Variants in CTTNBP2 observed in about 807,000 individuals in gnomAD.
CTTNBP2 encodes cortactin-binding protein 2.
Under a neutral mutation model 156.9 loss-of-function variants are expected in CTTNBP2, and 108 were observed. That is an observed-to-expected ratio of 0.69 (90% CI 0.59 to 0.81). The LOEUF is 0.81. CTTNBP2 is among the 30% of genes least tolerant of loss of function. CTTNBP2 has a pLI of 0.00. For synonymous variants in CTTNBP2, 767 were observed against 751.8 expected (o/e 1.02, Z -0.33); for missense variants, 1,924 against 2,035.4 (o/e 0.95, Z 1.05).
intron 7 of CTTNBP2, among the ~76,000 whole-genome samples, chr7:117,778,019 G>A (rs1798202056): frequency 6.6e-6 from 1 of 152,034 alleles, no homozygotes; most frequent in Non-Finnish European, 1.5e-5. Context: ...AACCATTTGG[G>A]GTGAGCAGGT....
At chr7:117,859,493 G>A (rs1458955138) in intron 2 of CTTNBP2, among the ~76,000 whole-genome samples, 1 of 152,048 alleles carries the variant, frequency 6.6e-6, no homozygotes, top group African/African-American at 2.4e-5. Flanking sequence ...AACACAGAAG[G>A]ACCAAAAAAT....
intron 14 of CTTNBP2, among the ~76,000 whole-genome samples, chr7:117,745,619 T>A (rs1796282439): frequency 1.1e-5 from 1 of 89,076 alleles, no homozygotes. Context: ...AATTAATGAT[T>A]AATAACAAAA....
chr7:117,873,328 C>CG lies in CTTNBP2; in HGVS notation c.81+6dup. The CG allele has an allele frequency of 6.9e-7, 1 of 1,441,722 alleles. No individual in the cohort carries two copies. The highest frequency in any genetic ancestry group is 9.1e-7 in the Non-Finnish European group (1 of 1,101,518). The allele number at this position is 1,441,722 out of a possible 1,614,324, so 89.3% of individuals were successfully genotyped here. A position where few individuals can be genotyped will look rare whatever the true frequency, so the allele number is the denominator to read the frequency against. On this transcript the variant is annotated splice_region_variant and intron_variant, in intron 1 of 22. Coordinates refer to ENST00000160373, the MANE Select transcript of CTTNBP2 (RefSeq NM_033427.3). ...TAGCCCCGCGCCCGCCCCGGGAACTCGGTTACCGCCGCCTCCGCCGCGGCC... is the reference window on the plus strand; with the variant it reads ...TAGCCCCGCGCCCGCCCCGGGAACTCGGGTTACCGCCGCCTCCGCCGCGGCC...
chr7:117,760,745 A>C, intron 9 of CTTNBP2, 35 bp from the exon 10 acceptor site: 1 of 1,475,884 alleles, frequency 6.8e-7, no homozygotes, highest in Non-Finnish European at 9.3e-7. Context: ...GAGTTAAAAA[A>C]ATCTGGACAG....
intron 16 of CTTNBP2, among the ~76,000 whole-genome samples, chr7:117,728,593 G>C (rs182912175): frequency 6.6e-6 from 1 of 152,254 alleles, no homozygotes; most frequent in African/African-American, 2.4e-5. Context: ...GCCAGGGCTA[G>C]AGTCTATTTA....
In CTTNBP2 at chr7:117,791,032, T is replaced by A. The variant is rs184632342; in HGVS notation, c.2068+96A>T. 6.9e-3 allele frequency: 7,205 copies of A among 1,041,622 alleles called. 43 individuals carry two copies. Among genetic ancestry groups the A allele is most frequent in the Non-Finnish European group, 8.6e-3 (6,164 of 715,872 alleles). The allele number at this position is 1,041,622 out of a possible 1,614,324, so 64.5% of individuals were successfully genotyped here. ...TGGGGGTGGGGGGAAGCATCAAATT[T>A]AAAAAAAAAGTTTCAAGGCAATGTG... On this transcript the variant is annotated intron_variant, in intron 4 of 22. Transcript: ENST00000160373.
At position 117,711,524 on chromosome 7, in the gene CTTNBP2, A is replaced by C; in HGVS notation, c.*13T>G. The C allele has an allele frequency of 6.2e-7, 1 of 1,606,930 alleles. No individual in the cohort carries two copies. The highest frequency in any genetic ancestry group is 2.2e-5 in the East Asian group (1 of 44,826). ...AATAGAGGAAGTTAATAATGAGAAT[A>C]TTGTAGGCAGGCCTATTTGTTAGGT... On this transcript the variant is annotated 3_prime_UTR_variant, in exon 23 of 23. Coordinates refer to ENST00000160373, the MANE Select transcript of CTTNBP2 (RefSeq NM_033427.3).
chr7:117,860,382 G>A (rs963811347), intron 2 of CTTNBP2, among the ~76,000 whole-genome samples: 11 of 150,048 alleles, frequency 7.3e-5, no homozygotes, highest in African/African-American at 1.5e-4. Context: ...TTGCTCTGTC[G>A]CCCAGGCTGG....
intron 2 of CTTNBP2, among the ~76,000 whole-genome samples, chr7:117,820,111 C>T (rs1295024863): frequency 6.6e-6 from 1 of 152,228 alleles, no homozygotes; most frequent in African/African-American, 2.4e-5. Flanking sequence ...GGAGCCCATG[C>T]TCATTTGTAG....
At chr7:117,778,359 GATC>G (rs1798218617) in intron 7 of CTTNBP2, among the ~76,000 whole-genome samples, 2 of 152,160 alleles carry the variant, frequency 1.3e-5, no homozygotes, top group African/African-American at 4.8e-5. Context: ...GAGGGATACT[GATC>G]ATTATAAGCT....
At position 117,873,125 on chromosome 7, in the gene CTTNBP2, G is replaced by A. The variant is rs555488337; in HGVS notation, c.81+210C>T. 3.9e-5 allele frequency among the ~76,000 whole-genome samples: 6 copies of A among 152,312 alleles called. No individual in the cohort carries two copies. In the South Asian group the frequency reaches 1.2e-3, roughly 32 times the overall value. ...CCGTGGGGCGCGGAAGGGACAGGAG[G>A]GATCCCCAGCCAGGGTGGCCGCTCC... On this transcript the variant is annotated intron_variant, in intron 1 of 22. Transcript: ENST00000160373.
chr7:117,859,715 T>C (rs1427608606), intron 2 of CTTNBP2, among the ~76,000 whole-genome samples: 2 of 152,206 alleles, frequency 1.3e-5, no homozygotes, highest in Admixed American at 6.5e-5. Flanking sequence ...CAATGTGGAA[T>C]AGGATGAATA....
chr7:117,737,305 C>A (rs1264292825), intron 14 of CTTNBP2, among the ~76,000 whole-genome samples: 1 of 151,972 alleles, frequency 6.6e-6, no homozygotes, highest in South Asian at 2.1e-4. Context: ...TTTAATTCAG[C>A]GATTAAAAAA....
chr7:117,747,161 C>T (rs1171960288), intron 12 of CTTNBP2, among the ~76,000 whole-genome samples: 1 of 152,184 alleles, frequency 6.6e-6, no homozygotes, highest in Non-Finnish European at 1.5e-5. Context: ...GTTGATATTG[C>T]TCAAGTGAAG....
At chr7:117,805,881 G>A (rs1799908488) in intron 3 of CTTNBP2, among the ~76,000 whole-genome samples, 1 of 152,050 alleles carries the variant, frequency 6.6e-6, no homozygotes, top group African/African-American at 2.4e-5. Context: ...CTGTGTACAA[G>A]GAACCACACT....
At chr7:117,863,022 T>C (rs1380942183) in intron 1 of CTTNBP2, among the ~76,000 whole-genome samples, 3 of 152,242 alleles carry the variant, frequency 2.0e-5, no homozygotes, top group Non-Finnish European at 4.4e-5. Flanking sequence ...AACACTGGTC[T>C]ATTTCTGTGA....
At chr7:117,842,862 A>T (rs900359496) in intron 2 of CTTNBP2, among the ~76,000 whole-genome samples, 1 of 152,244 alleles carries the variant, frequency 6.6e-6, no homozygotes, top group African/African-American at 2.4e-5. Context: ...GCAAATACTT[A>T]TTGAGCCAGG....
intron 12 of CTTNBP2, among the ~76,000 whole-genome samples, chr7:117,747,206 T>G (rs1274365062): frequency 6.6e-6 from 1 of 152,220 alleles, no homozygotes; most frequent in Non-Finnish European, 1.5e-5. Flanking sequence ...GTTTTGAGTT[T>G]GTTCTCTCTA....
chr7:117,808,941 C>A (rs1381571635), intron 3 of CTTNBP2, among the ~76,000 whole-genome samples: 1 of 152,144 alleles, frequency 6.6e-6, no homozygotes, highest in African/African-American at 2.4e-5. Context: ...CTATAATCTA[C>A]TAAAATATAA....
Sources: gnomAD v4.1 joint callset for allele counts (sites outside exome capture counted in the v4.1 genomes callset) on GRCh38, gnomAD v4.1.1 for gene constraint, MANE v1.5 for transcripts, NCBI Gene and HGNC (gene_info 2026-07-23, HGNC 2026-07-21) for gene names.